KCNIP4: variants seen among roughly 807,000 people sequenced by gnomAD.
The protein encoded by KCNIP4 is Kv channel-interacting protein 4.
A neutral mutation model predicts 34.0 loss-of-function variants in KCNIP4; 12 were observed. The ratio of observed to expected loss-of-function variants is 0.35; its 90% CI spans 0.23 to 0.57. The LOEUF (loss-of-function observed/expected upper bound fraction) is 0.57, where lower values mean the gene tolerates loss of function less well. Ranked by LOEUF, KCNIP4 falls within the 20% of genes least tolerant of loss-of-function variation. The pLI, the probability that KCNIP4 is intolerant of heterozygous loss-of-function variation, is 0.83. For synonymous variants in KCNIP4, 124 were observed against 102.2 expected, an observed-to-expected ratio of 1.21 and a Z score of -1.29; for missense variants, 238 against 311.7, an observed-to-expected ratio of 0.76 and a Z score of 1.78.
rs893235400 is a variant in KCNIP4, at chr4:21,761,106, C to T, written c.61+187465G>A. 3.3e-5 allele frequency among the ~76,000 whole-genome samples: 5 copies of T among 152,162 alleles called. No homozygotes were observed. In the East Asian group the frequency reaches 9.7e-4, roughly 29 times the overall value. On this transcript the variant is annotated intron_variant, in intron 1 of 8. Coordinates refer to ENST00000382152, the MANE Select transcript of KCNIP4 (RefSeq NM_025221.6). Reference sequence around the variant, plus strand: ...TTATGTACTTTATTAAGAACATCCTCTAATAATTTTTTGAGAGATGAGTCT... The same window carrying T: ...TTATGTACTTTATTAAGAACATCCTTTAATAATTTTTTGAGAGATGAGTCT...
rs932909578 is a variant in KCNIP4, at chr4:20,729,529, T to A, written c.*553A>T. 11 of 151,540 alleles carry A rather than the reference T, an allele frequency of 7.3e-5. No individual in the cohort carries two copies. Among genetic ancestry groups the A allele is most frequent in the Non-Finnish European group, 8.8e-5 (6 of 67,996 alleles). 9.4% of individuals were successfully genotyped at this position (151,540 alleles called of 1,614,324 possible). A position where few individuals can be genotyped will look rare whatever the true frequency, so the allele number is the denominator to read the frequency against. On this transcript the variant is annotated 3_prime_UTR_variant, in exon 9 of 9. Coordinates refer to ENST00000382152, the MANE Select transcript of KCNIP4 (RefSeq NM_025221.6). ...TTAAAAATGCCAGATAAAACTAATT[T>A]CTAACAGAAGGTGGGAAGGCCATAG...
chr4:21,192,197 C>T (rs1313270063), intron 1 of KCNIP4, among the ~76,000 whole-genome samples: 1 of 152,076 alleles, frequency 6.6e-6, no homozygotes, highest in Non-Finnish European at 1.5e-5. Context: ...AGTTAAATGG[C>T]TTCATCAAGT....
chr4:21,071,606 A>G lies in KCNIP4; in HGVS notation c.62-188897T>C, dbSNP rs192206997. 2.7e-3 allele frequency among the ~76,000 whole-genome samples: 406 copies of G among 152,256 alleles called. 3 individuals are homozygous for G. Among genetic ancestry groups the G allele is most frequent in the Middle Eastern group, 0.01 (3 of 294 alleles). On this transcript the variant is annotated intron_variant, in intron 1 of 8. Coordinates refer to ENST00000382152, the MANE Select transcript of KCNIP4 (RefSeq NM_025221.6). ...TTTTAGAATAGTTTTGTCTATGTGTATATATATCTGTTGGGATTTTATTTA... is the reference window on the plus strand; with the variant it reads ...TTTTAGAATAGTTTTGTCTATGTGTGTATATATCTGTTGGGATTTTATTTA...
At chr4:21,823,474 A>G (rs1270928271) in intron 1 of KCNIP4, among the ~76,000 whole-genome samples, 1 of 151,306 alleles carries the variant, frequency 6.6e-6, no homozygotes, top group Non-Finnish European at 1.5e-5. Flanking sequence ...CTCCTTGTCC[A>G]AACATAAATG....
intron 1 of KCNIP4, among the ~76,000 whole-genome samples, chr4:21,723,062 A>AT (rs1714936676): frequency 6.6e-6 from 1 of 152,160 alleles, no homozygotes; most frequent in Non-Finnish European, 1.5e-5. Context: ...TCTACAGAAT[A>AT]AAATTTAACA....
chr4:21,134,458 A>C (rs867128188), intron 1 of KCNIP4, among the ~76,000 whole-genome samples: 1 of 152,228 alleles, frequency 6.6e-6, no homozygotes, highest in East Asian at 1.9e-4. Flanking sequence ...TGTCATTACT[A>C]GTTACGTTTT....
chr4:21,745,360 T>A (rs1431109526), intron 1 of KCNIP4, among the ~76,000 whole-genome samples: 1 of 152,212 alleles, frequency 6.6e-6, no homozygotes, highest in African/African-American at 2.4e-5. Flanking sequence ...ATCTTTAGGT[T>A]CTTTGCCTTA....
At chr4:21,902,775 T>C (rs1727779924) in intron 1 of KCNIP4, among the ~76,000 whole-genome samples, 1 of 152,088 alleles carries the variant, frequency 6.6e-6, no homozygotes, top group South Asian at 2.1e-4. Flanking sequence ...AAATATATGG[T>C]TGAGGCTTGG....
intron 1 of KCNIP4, among the ~76,000 whole-genome samples, chr4:21,938,680 C>T (rs532836480): frequency 4.6e-5 from 7 of 152,238 alleles, no homozygotes; most frequent in African/African-American, 1.4e-4. Flanking sequence ...ACAAGGACTG[C>T]ACCTACTGAT....
chr4:21,238,653 T>G (rs1352206557), intron 1 of KCNIP4, among the ~76,000 whole-genome samples: 1 of 152,096 alleles, frequency 6.6e-6, no homozygotes, highest in Middle Eastern at 3.2e-3. Flanking sequence ...ATAAAATACC[T>G]AGGAATCCAA....
intron 3 of KCNIP4, among the ~76,000 whole-genome samples, chr4:20,809,838 T>C (rs555921097): frequency 4.3e-4 from 66 of 152,326 alleles, no homozygotes; most frequent in African/African-American, 1.5e-3. Context: ...TGCCCTTATA[T>C]GAACTGCTTG....
chr4:20,833,367 C>T (rs911536995), intron 3 of KCNIP4, among the ~76,000 whole-genome samples: 1 of 152,062 alleles, frequency 6.6e-6, no homozygotes, highest in Non-Finnish European at 1.5e-5. Context: ...TGCCTGTAGT[C>T]CCAGCTACTC....
chr4:21,187,947 C>A (rs941223402), intron 1 of KCNIP4, among the ~76,000 whole-genome samples: 2 of 152,164 alleles, frequency 1.3e-5, no homozygotes, highest in Admixed American at 1.3e-4. Flanking sequence ...TTTTTCTGAA[C>A]TTCAGTTTTA....
intron 1 of KCNIP4, chr4:21,304,115 AGAGAGAGG>A (rs1712152663): frequency 5.8e-6 from 3 of 519,922 alleles, no homozygotes; most frequent in East Asian, 3.6e-5. Context: ...GAGACAGAGG[AGAGAGAGG>A]GAGAGAGAGA....
intron 1 of KCNIP4, among the ~76,000 whole-genome samples, chr4:21,689,374 C>A (rs6817669): frequency 0.11 from 16,627 of 151,954 alleles, 1,796 homozygotes; most frequent in African/African-American, 0.28. Context: ...TAAACGTGTG[C>A]CAGCAACAGA....
At chr4:21,778,214 TC>T (rs1257815030) in intron 1 of KCNIP4, among the ~76,000 whole-genome samples, 1 of 133,496 alleles carries the variant, frequency 7.5e-6, no homozygotes, top group African/African-American at 3.5e-5. Context: ...TGTTTCTTTT[TC>T]CTTTTTTCCT....
intron 1 of KCNIP4, among the ~76,000 whole-genome samples, chr4:21,878,324 C>T (rs1726260904): frequency 6.6e-6 from 1 of 152,186 alleles, no homozygotes; most frequent in African/African-American, 2.4e-5. Flanking sequence ...GATCCACCTG[C>T]CTCGACCTCC....
chr4:21,380,490 A>T (rs981568855), intron 1 of KCNIP4, among the ~76,000 whole-genome samples: 1 of 150,840 alleles, frequency 6.6e-6, no homozygotes, highest in Non-Finnish European at 1.5e-5. Context: ...AGAGAGAGGG[A>T]GAGAGAGAGA....
intron 1 of KCNIP4, among the ~76,000 whole-genome samples, chr4:21,090,883 A>G (rs1305317837): frequency 6.6e-6 from 1 of 152,256 alleles, no homozygotes; most frequent in Non-Finnish European, 1.5e-5. Flanking sequence ...CTAAATTTAC[A>G]AAGAATACAG....
Sources: gnomAD v4.1 joint callset for allele counts (sites outside exome capture counted in the v4.1 genomes callset) on GRCh38, gnomAD v4.1.1 for gene constraint, MANE v1.5 for transcripts, NCBI Gene and HGNC (gene_info 2026-07-23, HGNC 2026-07-21) for gene names.